The following CACNB2 variants were observed in gnomAD, a reference collection of about 807,000 sequenced individuals.
CACNB2 encodes calcium voltage-gated channel auxiliary subunit beta 2.
A neutral mutation model predicts 73.3 loss-of-function variants in CACNB2; 42 were observed. The observed-to-expected ratio is 0.57, with a 90% CI of 0.45 to 0.74. The LOEUF (loss-of-function observed/expected upper bound fraction) is 0.74, where lower values mean the gene tolerates loss of function less well. CACNB2 is among the 30% of genes least tolerant of loss of function. The pLI is 0.00. For missense variants in CACNB2, 940 were observed against 853.0 expected (o/e 1.10, Z -1.27); for synonymous variants, 348 against 310.3 (o/e 1.12, Z -1.28).
chr10:18,489,657 T>C (rs2049295196), intron 3 of CACNB2, among the ~76,000 whole-genome samples: 1 of 152,168 alleles, frequency 6.6e-6, no homozygotes, highest in African/African-American at 2.4e-5. Flanking sequence ...TAGCAATCTA[T>C]GTATAATATA....
At chr10:18,190,288 G>A (rs1277515679) in intron 2 of CACNB2, among the ~76,000 whole-genome samples, 1 of 152,174 alleles carries the variant, frequency 6.6e-6, no homozygotes, top group Non-Finnish European at 1.5e-5. Context: ...GATACAGAGG[G>A]TTCAAGAACA....
chr10:18,316,047 G>C (rs201743291), intron 2 of CACNB2, among the ~76,000 whole-genome samples: 1 of 152,128 alleles, frequency 6.6e-6, no homozygotes, highest in African/African-American at 2.4e-5. Context: ...GGCTGTATTT[G>C]ACAACTGACT....
intron 2 of CACNB2, among the ~76,000 whole-genome samples, chr10:18,397,716 G>A (rs1335215011): frequency 1.2e-4 from 6 of 48,736 alleles, no homozygotes; most frequent in African/African-American, 3.2e-4. Flanking sequence ...GCGAGACTCC[G>A]TCTCAAAAAA....
chr10:18,177,653 C>T (rs1952984), intron 2 of CACNB2, among the ~76,000 whole-genome samples: 16,520 of 151,848 alleles, frequency 0.11, 997 homozygotes, highest in East Asian at 0.26. Context: ...GGAGGACAGG[C>T]AGGCAGTGAG....
chr10:18,231,953 A>G lies in CACNB2; in HGVS notation c.213+80978A>G, dbSNP rs137984751. Among the ~76,000 whole-genome samples, 1,168 of 152,334 alleles carry G rather than the reference A, an allele frequency of 7.7e-3. 14 individuals carry two copies. The highest frequency in any genetic ancestry group is 0.014 in the Middle Eastern group (4 of 294). On this transcript the variant is annotated intron_variant, in intron 2 of 13. Transcript: ENST00000324631. Reference sequence around the variant, plus strand: ...AAATCTGTATAAATACATATTTGGAATGCTCCAGACCTCCATGCAAAATGT... The same window carrying G: ...AAATCTGTATAAATACATATTTGGAGTGCTCCAGACCTCCATGCAAAATGT...
At chr10:18,330,165 T>C (rs2040745061) in intron 2 of CACNB2, among the ~76,000 whole-genome samples, 1 of 152,176 alleles carries the variant, frequency 6.6e-6, no homozygotes, top group African/African-American at 2.4e-5. Flanking sequence ...AAAATTCAGA[T>C]ATTTATAAAG....
At position 18,199,191 on chromosome 10, in the gene CACNB2, A is replaced by C. The variant is rs145382577; in HGVS notation, c.213+48216A>C. On this transcript the variant is annotated intron_variant, in intron 2 of 13. Transcript: ENST00000324631. ...TAGTCTAAAGTAAATAATTAGTACAAACATTTACTGAGAAACTACTATGCA... is the reference window on the plus strand; with the variant it reads ...TAGTCTAAAGTAAATAATTAGTACACACATTTACTGAGAAACTACTATGCA... 5.6e-4 allele frequency among the ~76,000 whole-genome samples: 86 copies of C among 152,320 alleles called. No homozygotes were observed. In the East Asian group the frequency reaches 0.015, roughly 27 times the overall value.
chr10:18,465,093 G>A (rs2047804226), intron 3 of CACNB2, among the ~76,000 whole-genome samples: 1 of 152,212 alleles, frequency 6.6e-6, no homozygotes, highest in African/African-American at 2.4e-5. Context: ...ACTTTGGGAG[G>A]CCGAGGCAGG....
At chr10:18,465,807 G>C (rs565810017) in intron 3 of CACNB2, among the ~76,000 whole-genome samples, 1 of 150,908 alleles carries the variant, frequency 6.6e-6, no homozygotes, top group Non-Finnish European at 1.5e-5. Flanking sequence ...TCAGCCTCCC[G>C]AGTAGCTGGG....
intron 2 of CACNB2, among the ~76,000 whole-genome samples, chr10:18,207,859 CA>C (rs2035158564): frequency 6.6e-6 from 1 of 151,962 alleles, no homozygotes; most frequent in Non-Finnish European, 1.5e-5. Context: ...AAATAGTTTA[CA>C]AATAAGTAAA....
intron 3 of CACNB2, among the ~76,000 whole-genome samples, chr10:18,408,583 A>G (rs1360444804): frequency 1.3e-5 from 2 of 152,110 alleles, no homozygotes; most frequent in Non-Finnish European, 2.9e-5. Flanking sequence ...AGAAGACATG[A>G]GAAGATGTTG....
chr10:18,446,639 A>C (rs190831798), intron 3 of CACNB2, among the ~76,000 whole-genome samples: 1 of 152,320 alleles, frequency 6.6e-6, no homozygotes, highest in Admixed American at 6.5e-5. Flanking sequence ...GCTCAAGTCA[A>C]CTTGTAATTG....
chr10:18,387,802 G>T (rs1241754795), intron 2 of CACNB2, among the ~76,000 whole-genome samples: 1 of 151,418 alleles, frequency 6.6e-6, no homozygotes, highest in Non-Finnish European at 1.5e-5. Flanking sequence ...TGTCACTCAG[G>T]CTGGGGTGCA....
intron 3 of CACNB2, among the ~76,000 whole-genome samples, chr10:18,474,561 C>T (rs140467622): frequency 6.4e-4 from 97 of 152,226 alleles, no homozygotes; most frequent in Middle Eastern, 3.4e-3. Flanking sequence ...TTCCCACACA[C>T]GCACTTTCTC....
intron 2 of CACNB2, among the ~76,000 whole-genome samples, chr10:18,240,339 C>T (rs1211748636): frequency 6.6e-6 from 1 of 152,066 alleles, no homozygotes; most frequent in African/African-American, 2.4e-5. Flanking sequence ...TTGACAAAAG[C>T]TTTGATTAAA....
At chr10:18,304,824 C>T (rs773224934) in intron 2 of CACNB2, among the ~76,000 whole-genome samples, 16 of 152,216 alleles carry the variant, frequency 1.1e-4, no homozygotes, top group Non-Finnish European at 2.4e-4. Flanking sequence ...AGAAATCTCT[C>T]TCTCTGCTCT....
rs545034483 is a variant in CACNB2 at position 18,490,107 on chromosome 10, G to A, written c.334-8248G>A. On this transcript the variant is annotated intron_variant, in intron 3 of 13. Transcript: ENST00000324631. ...TGCCCTGGCTGGTCTCAAACTCCTC[G>A]GCTCAAGCAATCCACCTGCCTCTGA... is the stretch of plus-strand genomic sequence containing the variant. 4.6e-5 allele frequency among the ~76,000 whole-genome samples: 7 copies of A among 152,124 alleles called. No individual in the cohort carries two copies. In the East Asian group the frequency reaches 9.7e-4, roughly 21 times the overall value.
chr10:18,222,039 A>C (rs1177980349), intron 2 of CACNB2, among the ~76,000 whole-genome samples: 1 of 152,230 alleles, frequency 6.6e-6, no homozygotes, highest in Non-Finnish European at 1.5e-5. Flanking sequence ...AAAGAAAGGC[A>C]GTGATATCAG....
intron 3 of CACNB2, among the ~76,000 whole-genome samples, chr10:18,464,521 G>T (rs2047769787): frequency 6.6e-6 from 1 of 150,816 alleles, no homozygotes; most frequent in Non-Finnish European, 1.5e-5. Context: ...TATTCACACG[G>T]ACCTCAAACT....
Sources: gnomAD v4.1 joint callset for allele counts (sites outside exome capture counted in the v4.1 genomes callset) on GRCh38, gnomAD v4.1.1 for gene constraint, MANE v1.5 for transcripts, NCBI Gene and HGNC (gene_info 2026-07-23, HGNC 2026-07-21) for gene names.